Variants in HTT observed in about 807,000 individuals in gnomAD.
HTT encodes the protein huntington disease protein.
HTT carries 104 observed loss-of-function variants against 362.3 expected under a neutral mutation model. That is an observed-to-expected ratio of 0.29 (90% CI 0.24 to 0.34). The LOEUF is 0.34. Among genes scored for constraint, HTT ranks in the 10% least tolerant of loss-of-function variants. The probability of loss-of-function intolerance (pLI) is 1.00; values close to 1 mark genes in which losing one functional copy is unlikely to be tolerated. For missense variants in HTT, 3,301 were observed against 3,928.6 expected, an observed-to-expected ratio of 0.84 and a Z score of 4.27; for synonymous variants, 1,577 against 1,548.7, an observed-to-expected ratio of 1.02 and a Z score of -0.43.
At chr4:3,209,787 C>T (rs576371052) in intron 46 of HTT, 40 bp from the exon 47 acceptor site, 36 of 1,609,204 alleles carry the variant, frequency 2.2e-5, no homozygotes, top group East Asian at 4.5e-5. Flanking sequence ...CCCTTGAACG[C>T]CGCCCATCAT....
At chr4:3,232,013 A>G (rs1721276968) in intron 60 of HTT, among the ~76,000 whole-genome samples, 1 of 152,170 alleles carries the variant, frequency 6.6e-6, no homozygotes, top group Non-Finnish European at 1.5e-5. Context: ...GTACCCACGT[A>G]TCCAGAGCAT....
chr4:3,211,273 T>A (rs1245780341), intron 47 of HTT, among the ~76,000 whole-genome samples: 1 of 152,230 alleles, frequency 6.6e-6, no homozygotes, highest in East Asian at 1.9e-4. Flanking sequence ...CTTAGTGATC[T>A]GTTTATTAGG....
At chr4:3,222,773 A>T (rs998723171) in intron 54 of HTT, among the ~76,000 whole-genome samples, 2 of 152,182 alleles carry the variant, frequency 1.3e-5, no homozygotes, top group Non-Finnish European at 2.9e-5. Flanking sequence ...TTAGTTTATC[A>T]ATATTCAGAG....
intron 33 of HTT, among the ~76,000 whole-genome samples, chr4:3,175,719 A>G (rs1204699335): frequency 2.6e-5 from 4 of 152,128 alleles, no homozygotes; most frequent in African/African-American, 4.8e-5. Context: ...CATGATGCAC[A>G]TTTTCCTCAA....
chr4:3,084,888 C>T (rs1713120917), intron 1 of HTT, among the ~76,000 whole-genome samples: 1 of 151,520 alleles, frequency 6.6e-6, no homozygotes, highest in Admixed American at 6.6e-5. Context: ...GTGGTGGGTG[C>T]CTGTAGTCCC....
intron 16 of HTT, 90 bp downstream of exon 16, chr4:3,131,865 A>C (rs1020508810): frequency 1.6e-6 from 2 of 1,285,720 alleles, no homozygotes; most frequent in African/African-American, 3.0e-5. Flanking sequence ...TTAGAGCAGT[A>C]AGTGTTTTGA....
intron 40 of HTT, among the ~76,000 whole-genome samples, chr4:3,197,707 G>A (rs1560589318): frequency 6.6e-6 from 1 of 152,164 alleles, no homozygotes; most frequent in African/African-American, 2.4e-5. Flanking sequence ...CAGGTAAGGT[G>A]CATCCAAGGT....
chr4:3,186,711 A>C lies in HTT; in HGVS notation c.4981A>C (p.Asn1661His). Residue 1661 changes from asparagine (N) to histidine (H), a missense_variant, in exon 38 of 67, where the codon AAC becomes CAC. This residue lies in a region of HTT where 2,316 missense variants were observed against 2,658.5 expected (regional missense o/e 0.87). Transcript: ENST00000355072. ...TTTACGGAGTATGTTCGTCACTCCA[A>C]ACACAATGGTGAGTCTCTCGCCTGG... Reference protein sequence around the residue: ...MLLRSMFVTPNTMASVSTVQL... With the variant: ...MLLRSMFVTPHTMASVSTVQL... 6.2e-7 allele frequency: 1 copy of C among 1,613,714 alleles called. No homozygotes were observed. Among genetic ancestry groups the C allele is most frequent in the Non-Finnish European group, 8.5e-7 (1 of 1,179,698 alleles).
At chr4:3,233,380 G>A (rs1335440714) in intron 61 of HTT, 27 bp downstream of exon 61, 2 of 1,578,006 alleles carry the variant, frequency 1.3e-6, no homozygotes, top group African/African-American at 1.3e-5. Flanking sequence ...CTGGGGCTGG[G>A]GCGGGGGTCT....
intron 56 of HTT, 131 bp downstream of exon 56, chr4:3,224,262 C>CG (rs1435019426): frequency 3.5e-5 from 31 of 881,996 alleles, no homozygotes; most frequent in Non-Finnish European, 5.5e-5. Context: ...GTGCTAAATA[C>CG]GCTGCCCCTT....
intron 1 of HTT, among the ~76,000 whole-genome samples, chr4:3,077,168 ACT>A (rs1257091129): frequency 6.6e-6 from 1 of 152,038 alleles, no homozygotes; most frequent in East Asian, 1.9e-4. Context: ...ACAGAGCGAG[ACT>A]CTATCTCAAA....
At chr4:3,193,107 G>T (rs2110254589) in intron 40 of HTT, among the ~76,000 whole-genome samples, 1 of 152,330 alleles carries the variant, frequency 6.6e-6, no homozygotes, top group African/African-American at 2.4e-5. Context: ...GAGAGTACAG[G>T]CAGGCAGGCA....
At chr4:3,146,294 A>T (rs1316725644) in intron 24 of HTT, among the ~76,000 whole-genome samples, 1 of 152,196 alleles carries the variant, frequency 6.6e-6, no homozygotes, top group African/African-American at 2.4e-5. Flanking sequence ...GTCTTTCAAT[A>T]ACTTTTACTA....
intron 6 of HTT, among the ~76,000 whole-genome samples, chr4:3,109,331 A>G (rs1190734890): frequency 3.7e-5 from 5 of 134,800 alleles, no homozygotes; most frequent in African/African-American, 1.5e-4. Flanking sequence ...GGTTCAAGCG[A>G]TTCTCCTGCC....
chr4:3,076,424 C>G (rs1004712447), intron 1 of HTT, among the ~76,000 whole-genome samples: 1 of 152,052 alleles, frequency 6.6e-6, no homozygotes, highest in African/African-American at 2.4e-5. Context: ...TGATCCTTGT[C>G]TCGTCTTCAA....
At chr4:3,230,705 C>G (rs1349315186) in intron 60 of HTT, among the ~76,000 whole-genome samples, 1 of 152,116 alleles carries the variant, frequency 6.6e-6, no homozygotes, top group Non-Finnish European at 1.5e-5. Flanking sequence ...CTGCTCTCTG[C>G]TTCATAGATG....
chr4:3,208,232 T>A (rs1028592444), intron 45 of HTT, among the ~76,000 whole-genome samples: 1 of 152,238 alleles, frequency 6.6e-6, no homozygotes, highest in African/African-American at 2.4e-5. Flanking sequence ...GTCACTCTCA[T>A]AGCAGATGGC....
At chr4:3,075,192 C>T (rs1017951371) in intron 1 of HTT, 104 bp downstream of exon 1, 47 of 1,079,888 alleles carry the variant, frequency 4.4e-5, no homozygotes, top group Non-Finnish European at 5.2e-5. Context: ...AACCCCCGGC[C>T]CCGCAGAGAC....
chr4:3,075,954 A>G (rs990485311), intron 1 of HTT, among the ~76,000 whole-genome samples: 2 of 152,104 alleles, frequency 1.3e-5, no homozygotes, highest in Non-Finnish European at 2.9e-5. Context: ...GTGTGTTGGG[A>G]ATAAAACCAA....
Sources: allele counts gnomAD v4.1 joint callset (sites outside exome capture counted in the v4.1 genomes callset), GRCh38; gene constraint gnomAD v4.1.1; regional missense constraint gnomAD v4.1.1; transcripts MANE v1.5; gene names NCBI Gene and HGNC (gene_info 2026-07-23, HGNC 2026-07-21).